The following RXRA variants were observed in gnomAD, a reference collection of about 807,000 sequenced individuals.
The protein encoded by RXRA is retinoid X receptor alpha.
RXRA carries 5 observed loss-of-function variants against 44.5 expected under a neutral mutation model. The observed-to-expected ratio is 0.11, with a 90% CI of 0.06 to 0.24. The LOEUF (loss-of-function observed/expected upper bound fraction) is 0.24, where lower values mean the gene tolerates loss of function less well. Ranked by LOEUF, RXRA falls within the 10% of genes least tolerant of loss-of-function variation. The pLI is 1.00. For synonymous variants in RXRA, 291 were observed against 271.4 expected (o/e 1.07, Z -0.71); for missense variants, 412 against 646.5 (o/e 0.64, Z 3.93).
chr9:134,425,644 G>A (rs2119196623), intron 6 of RXRA: 1 of 984,948 alleles, frequency 1.0e-6, no homozygotes, highest in African/African-American at 1.7e-5. Flanking sequence ...TAGGTAGCAG[G>A]CCCAAGGTCC....
At chr9:134,402,404 C>T (rs546206408) in intron 2 of RXRA, 20 of 154,406 alleles carry the variant, frequency 1.3e-4, no homozygotes, top group East Asian at 1.2e-3. Flanking sequence ...TCTGTGGTCT[C>T]GGCTCCCCCA....
At chr9:134,403,727 C>CCAT (rs1831003013) in intron 2 of RXRA, 1 of 152,866 alleles carries the variant, frequency 6.5e-6, no homozygotes, top group Non-Finnish European at 1.5e-5. Flanking sequence ...TGCTTCTGGG[C>CCAT]CATTCTCTGT....
At position 134,407,514 on chromosome 9, in the gene RXRA, G is replaced by A. The variant is rs1032751395; in HGVS notation, c.280-635G>A. Among the ~76,000 whole-genome samples the A allele has an allele frequency of 1.3e-5, 2 of 152,242 alleles. No homozygotes were observed. Among genetic ancestry groups the A allele is most frequent in the Non-Finnish European group, 2.9e-5 (2 of 68,040 alleles). On this transcript the variant is annotated intron_variant, in intron 2 of 9. Transcript: ENST00000481739. The surrounding 1 kb of genome is among the most constrained non-coding windows in gnomAD (Gnocchi z 4.8). ...CCGGGTGAGTTTCCCACGCTTGCCC[G>A]GGCGGCAGCGTGCGGGCCGGCGGGT... is the stretch of plus-strand genomic sequence containing the variant.
At chr9:134,326,973 C>G (rs1834924514) in intron 1 of RXRA, among the ~76,000 whole-genome samples, 2 of 151,430 alleles carry the variant, frequency 1.3e-5, no homozygotes, top group South Asian at 4.1e-4. Flanking sequence ...CCAGCTGCAG[C>G]CGCGCCGCAC....
chr9:134,423,227 T>A (rs1402668722), intron 6 of RXRA: 7 of 985,288 alleles, frequency 7.1e-6, no homozygotes, highest in African/African-American at 1.7e-5. Flanking sequence ...AAGCAACACG[T>A]TGGGTGCCCA....
At chr9:134,415,848 G>T (rs1831224945) in intron 4 of RXRA, among the ~76,000 whole-genome samples, 1 of 152,236 alleles carries the variant, frequency 6.6e-6, no homozygotes, top group African/African-American at 2.4e-5. Context: ...GAGCTGTGCT[G>T]GACAGAGGTG....
chr9:134,374,120 G>A (rs1322226194), intron 1 of RXRA: 1 of 152,320 alleles, frequency 6.6e-6, no homozygotes, highest in South Asian at 2.1e-4. Context: ...CACGGCTTCC[G>A]GGAGTTAAAG....
intron 1 of RXRA, among the ~76,000 whole-genome samples, chr9:134,376,407 C>A (rs1388491693): frequency 2.0e-5 from 3 of 152,204 alleles, no homozygotes; most frequent in African/African-American, 2.4e-5. Flanking sequence ...CATTCCTTCG[C>A]GGGGGCAGAG....
intron 1 of RXRA, among the ~76,000 whole-genome samples, chr9:134,351,218 G>A (rs1335347394): frequency 2.0e-5 from 3 of 152,230 alleles, no homozygotes; most frequent in Non-Finnish European, 4.4e-5. Context: ...GCAGGTCTGG[G>A]GCTAGGAGGC....
chr9:134,339,968 TGC>T (rs1554747929), intron 1 of RXRA, among the ~76,000 whole-genome samples: 1 of 152,164 alleles, frequency 6.6e-6, no homozygotes, highest in Non-Finnish European at 1.5e-5. Context: ...CCTGTCTGTG[TGC>T]ACCCGTGCAT....
At chr9:134,430,250 C>T (rs978467522) in intron 7 of RXRA, among the ~76,000 whole-genome samples, 1 of 152,208 alleles carries the variant, frequency 6.6e-6, no homozygotes, top group Non-Finnish European at 1.5e-5. Context: ...CTTCTGGGGA[C>T]CGGATGTCAG....
chr9:134,414,418 C>T (rs1831200393), intron 4 of RXRA, among the ~76,000 whole-genome samples: 2 of 152,226 alleles, frequency 1.3e-5, no homozygotes, highest in African/African-American at 4.8e-5. Flanking sequence ...CACCTCCAGG[C>T]CCCCCGTGTG....
chr9:134,389,276 G>A (rs1423702076), intron 1 of RXRA, among the ~76,000 whole-genome samples: 1 of 152,212 alleles, frequency 6.6e-6, no homozygotes, highest in Non-Finnish European at 1.5e-5. Context: ...TGCACACGTG[G>A]GCGCTGGCTT....
chr9:134,403,802 G>A (rs1324471310), intron 2 of RXRA: 1 of 152,430 alleles, frequency 6.6e-6, no homozygotes, highest in Non-Finnish European at 1.5e-5. Flanking sequence ...TTGCTTGGGA[G>A]TGAGTGGTGC....
intron 1 of RXRA, among the ~76,000 whole-genome samples, chr9:134,336,450 G>T (rs1231540812): frequency 6.6e-6 from 1 of 152,184 alleles, no homozygotes; most frequent in African/African-American, 2.4e-5. Context: ...CTTGGAGCAC[G>T]TTCCTTCTTC....
intron 1 of RXRA, among the ~76,000 whole-genome samples, chr9:134,350,842 GC>G (rs1258114532): frequency 7.2e-5 from 11 of 152,234 alleles, no homozygotes; most frequent in Non-Finnish European, 1.6e-4. Context: ...TGAGCCTGGG[GC>G]CGGCCTGGCC....
intron 1 of RXRA, among the ~76,000 whole-genome samples, chr9:134,382,439 A>G (rs1178752603): frequency 6.6e-6 from 1 of 152,090 alleles, no homozygotes; most frequent in South Asian, 2.1e-4. Flanking sequence ...GGGCGGGGCC[A>G]GGGCAGCTGG....
chr9:134,408,015 C>G, intron 2 of RXRA, 134 bp from the exon 3 acceptor site: 1 of 609,176 alleles, frequency 1.6e-6, no homozygotes, highest in Non-Finnish European at 2.7e-6. Context: ...GGGTGGGGGG[C>G]ACGGCCCTCT....
intron 1 of RXRA, among the ~76,000 whole-genome samples, chr9:134,367,586 G>T (rs866145715): frequency 6.6e-6 from 1 of 152,222 alleles, no homozygotes; most frequent in African/African-American, 2.4e-5. Flanking sequence ...CTGGCCCCTC[G>T]GCCAAGCTGT....
Sources: allele counts gnomAD v4.1 joint callset (sites outside exome capture counted in the v4.1 genomes callset), GRCh38; gene constraint gnomAD v4.1.1; non-coding constraint Gnocchi (gnomAD v3.1); transcripts MANE v1.5; gene names NCBI Gene and HGNC (gene_info 2026-07-23, HGNC 2026-07-21).